Variants in TAS2R1 observed in about 807,000 individuals in gnomAD.
TAS2R1 encodes the protein taste 2 receptor member 1, also known as taste receptor type 2 member 1.
For missense variants in TAS2R1, 370 were observed against 353.4 expected (o/e 1.05, Z -0.38); for synonymous variants, 141 against 134.2 (o/e 1.05, Z -0.35).
the TAS2R1 span, among the ~76,000 whole-genome samples, chr5:9,865,248 A>C: frequency 6.6e-6 from 1 of 152,158 alleles, no homozygotes; most frequent in Non-Finnish European, 1.5e-5. Flanking sequence ...GAAGGACACA[A>C]ATTCTAGTGA....
At chr5:9,754,877 G>T in the TAS2R1 span, among the ~76,000 whole-genome samples, 1 of 152,098 alleles carries the variant, frequency 6.6e-6, no homozygotes, top group African/African-American at 2.4e-5. Flanking sequence ...TTTCTTCACA[G>T]AATTGGAAAA....
the TAS2R1 span, among the ~76,000 whole-genome samples, chr5:9,777,877 G>GTTT: frequency 0.32 from 45,779 of 142,638 alleles, 8,547 homozygotes; most frequent in Admixed American, 0.42. Context: ...GAGGCCAGGT[G>GTTT]TTTTTTTTTT....
At chr5:9,771,298 T>G in the TAS2R1 span, among the ~76,000 whole-genome samples, 2 of 152,216 alleles carry the variant, frequency 1.3e-5, no homozygotes, top group Non-Finnish European at 2.9e-5. Context: ...TTCTTCATTC[T>G]GTTGATATGA....
At chr5:9,802,117 C>T in the TAS2R1 span, among the ~76,000 whole-genome samples, 2 of 152,192 alleles carry the variant, frequency 1.3e-5, no homozygotes, top group African/African-American at 2.4e-5. Flanking sequence ...TGGCAGCCAA[C>T]CAACACAAAA....
the TAS2R1 span, among the ~76,000 whole-genome samples, chr5:9,860,282 C>G: frequency 1.3e-5 from 2 of 152,142 alleles, no homozygotes; most frequent in Non-Finnish European, 2.9e-5. Context: ...CTAGGAATGA[C>G]ACCAGCGCAT....
At chr5:9,820,768 C>T in the TAS2R1 span, among the ~76,000 whole-genome samples, 12 of 152,308 alleles carry the variant, frequency 7.9e-5, no homozygotes, top group African/African-American at 2.4e-4. Flanking sequence ...AAAACAAAAA[C>T]GAAAGAACAA....
chr5:9,807,734 G>A, the TAS2R1 span, among the ~76,000 whole-genome samples: 1 of 152,140 alleles, frequency 6.6e-6, no homozygotes, highest in Non-Finnish European at 1.5e-5. Flanking sequence ...AAAGGCATAA[G>A]AATGATACAT....
intron 1 of TAS2R1, among the ~76,000 whole-genome samples, chr5:9,669,587 A>G (rs1468424371): frequency 6.6e-6 from 1 of 152,222 alleles, no homozygotes; most frequent in African/African-American, 2.4e-5. Flanking sequence ...CAATAAAAAT[A>G]GAAATCAATA....
the TAS2R1 span, among the ~76,000 whole-genome samples, chr5:9,876,710 T>C: frequency 6.6e-6 from 1 of 152,210 alleles, no homozygotes. Context: ...CGTAACATTA[T>C]AATGACTTCT....
the TAS2R1 span, among the ~76,000 whole-genome samples, chr5:9,843,705 C>G: frequency 2.8e-4 from 43 of 152,302 alleles, no homozygotes; most frequent in African/African-American, 9.1e-4. Context: ...TCCTCTGTTT[C>G]TGAAGTGAGG....
rs112346015 is a variant in TAS2R1 at position 9,678,790 on chromosome 5, G to A, written c.-241-19209C>T. ...ACACTGGAGCCTGTTGGGGGGTTTGGGGGAGGGAGAGGATCAGGAATAATA... is the reference window on the plus strand; with the variant it reads ...ACACTGGAGCCTGTTGGGGGGTTTGAGGGAGGGAGAGGATCAGGAATAATA... On this transcript the variant is annotated intron_variant, in intron 1 of 2. Coordinates refer to the TAS2R1 transcript ENST00000506620. Among the ~76,000 whole-genome samples, 446 of 152,204 alleles carry A rather than the reference G, an allele frequency of 2.9e-3. 1 individual carries two copies. The highest frequency in any genetic ancestry group is 4.4e-3 in the Non-Finnish European group (296 of 68,012).
the TAS2R1 span, among the ~76,000 whole-genome samples, chr5:9,762,188 G>T: frequency 1.3e-5 from 2 of 152,250 alleles, no homozygotes; most frequent in African/African-American, 2.4e-5. Flanking sequence ...GATGGAAGCC[G>T]CTAAGGGTAG....
upstream of TAS2R1, among the ~76,000 whole-genome samples, chr5:9,634,487 A>G (rs1739931239): frequency 6.6e-6 from 1 of 151,880 alleles, no homozygotes; most frequent in Non-Finnish European, 1.5e-5. Context: ...GTGAAGAATG[A>G]TGGTGGTATT....
intron 1 of TAS2R1, among the ~76,000 whole-genome samples, chr5:9,686,623 G>C (rs1383103921): frequency 6.6e-6 from 1 of 152,080 alleles, no homozygotes; most frequent in African/African-American, 2.4e-5. Context: ...GAGAGGAAGT[G>C]GGCAGAAAGA....
the TAS2R1 span, among the ~76,000 whole-genome samples, chr5:9,856,551 T>C: frequency 6.6e-6 from 1 of 152,074 alleles, no homozygotes; most frequent in African/African-American, 2.4e-5. Flanking sequence ...AGCTACAGCA[T>C]TGCCTGGGAG....
At chr5:9,828,826 G>A in the TAS2R1 span, among the ~76,000 whole-genome samples, 3 of 152,158 alleles carry the variant, frequency 2.0e-5, no homozygotes, top group East Asian at 1.9e-4. Context: ...ATATTCTAAA[G>A]CTGTTTTACA....
At chr5:9,689,461 C>T (rs1579784789) in intron 1 of TAS2R1, among the ~76,000 whole-genome samples, 3 of 152,268 alleles carry the variant, frequency 2.0e-5, no homozygotes, top group African/African-American at 7.2e-5. Flanking sequence ...CTGATTCGTG[C>T]TCGGGATTCA....
At chr5:9,837,631 T>C in the TAS2R1 span, among the ~76,000 whole-genome samples, 1 of 152,210 alleles carries the variant, frequency 6.6e-6, no homozygotes, top group Admixed American at 6.5e-5. Flanking sequence ...CCAGACTTCT[T>C]GCCTCCTGCT....
At chr5:9,686,309 A>T (rs1250026626) in intron 1 of TAS2R1, among the ~76,000 whole-genome samples, 1 of 152,186 alleles carries the variant, frequency 6.6e-6, no homozygotes. Flanking sequence ...AGCTCTTGCC[A>T]TTGGGAAAAT....
Sources: allele counts gnomAD v4.1 joint callset (sites outside exome capture counted in the v4.1 genomes callset), GRCh38; gene constraint gnomAD v4.1.1; transcripts MANE v1.5; gene names NCBI Gene and HGNC (gene_info 2026-07-23, HGNC 2026-07-21).